Variants in RPRD2 observed in about 807,000 individuals in gnomAD.
The protein encoded by RPRD2 is regulation of nuclear pre-mRNA domain-containing protein 2.
In RPRD2, 12 loss-of-function variants were observed where a neutral mutation model predicts 104.4. That is an observed-to-expected ratio of 0.11 (90% CI 0.07 to 0.19). RPRD2 has a LOEUF of 0.19. RPRD2 is among the 10% of genes least tolerant of loss of function. The pLI, the probability that RPRD2 is intolerant of heterozygous loss-of-function variation, is 1.00. For missense variants in RPRD2, 1,543 were observed against 1,790.1 expected, an observed-to-expected ratio of 0.86 and a Z score of 2.49; for synonymous variants, 714 against 684.9, an observed-to-expected ratio of 1.04 and a Z score of -0.66.
intron 1 of RPRD2, among the ~76,000 whole-genome samples, chr1:150,386,856 A>G (rs1227385353): frequency 6.6e-6 from 1 of 152,164 alleles, no homozygotes; most frequent in African/African-American, 2.4e-5. Flanking sequence ...AAATTATTAC[A>G]GTATAGTATG....
At chr1:150,450,370 G>A (rs1667071450) in intron 7 of RPRD2, among the ~76,000 whole-genome samples, 1 of 151,898 alleles carries the variant, frequency 6.6e-6, no homozygotes, top group Admixed American at 6.6e-5. Flanking sequence ...ACTTTAGGAG[G>A]CCGAGGTGGG....
intron 6 of RPRD2, among the ~76,000 whole-genome samples, chr1:150,445,432 G>A (rs1666690790): frequency 6.6e-6 from 1 of 152,162 alleles, no homozygotes; most frequent in African/African-American, 2.4e-5. Flanking sequence ...TTTCAGATAG[G>A]AAAGAAGAAC....
intron 1 of RPRD2, among the ~76,000 whole-genome samples, chr1:150,386,414 A>G (rs1661574678): frequency 1.3e-5 from 2 of 152,160 alleles, no homozygotes; most frequent in Non-Finnish European, 1.5e-5. Context: ...ACAAAGCCCC[A>G]TCTCTACCAA....
At chr1:150,366,143 G>A (rs148519724) in intron 1 of RPRD2, among the ~76,000 whole-genome samples, 6 of 152,304 alleles carry the variant, frequency 3.9e-5, no homozygotes, top group Admixed American at 3.3e-4. Flanking sequence ...TTCCTGCTGA[G>A]AAGAGAGGGT....
Position 150,466,034 on chromosome 1 carries a change from A to T in RPRD2, c.1612+1307A>T, listed in dbSNP as rs1293066125. On this transcript the variant is annotated intron_variant, in intron 10 of 10. Transcript: ENST00000369068. ...TCCAAAAAAAAAAAAAAAAAAAAAA[A>T]TTTTTTTATGACGCTTCAAGAACAT... is the stretch of plus-strand genomic sequence containing the variant. Among the ~76,000 whole-genome samples the T allele has an allele frequency of 2.9e-4, 21 of 73,424 alleles. No homozygotes were observed. In the East Asian group the frequency reaches 3.0e-3, roughly 11 times the overall value. The allele number at this position is 73,424 out of a possible 152,430, so 48.2% of individuals were successfully genotyped here. A position where few individuals can be genotyped will look rare whatever the true frequency, so the allele number is the denominator to read the frequency against.
intron 1 of RPRD2, 38 bp from the exon 2 acceptor site, chr1:150,417,558 C>T: frequency 6.9e-7 from 1 of 1,448,664 alleles, no homozygotes; most frequent in Non-Finnish European, 9.2e-7. Flanking sequence ...TGCAAATTGA[C>T]TCATTTGGTT....
intron 1 of RPRD2, among the ~76,000 whole-genome samples, chr1:150,375,807 T>C (rs587703304): frequency 1.3e-5 from 2 of 152,324 alleles, no homozygotes; most frequent in South Asian, 4.1e-4. Context: ...TAAGGATACA[T>C]GAGGTTTAAT....
At chr1:150,371,120 G>T (rs1476912855) in intron 1 of RPRD2, among the ~76,000 whole-genome samples, 2 of 152,170 alleles carry the variant, frequency 1.3e-5, no homozygotes, top group Non-Finnish European at 2.9e-5. Flanking sequence ...GTTTTGCAGA[G>T]AATTTACAAA....
At chr1:150,398,623 A>T (rs1428664533) in intron 1 of RPRD2, among the ~76,000 whole-genome samples, 2 of 151,542 alleles carry the variant, frequency 1.3e-5, no homozygotes, top group African/African-American at 4.9e-5. Flanking sequence ...GGCTCACTAC[A>T]ATCTCCGCCT....
rs57772151 is a variant in RPRD2 at position 150,384,440 on chromosome 1, G to GCAT, written c.205+19531_205+19533dup. Among the ~76,000 whole-genome samples the GCAT allele has an allele frequency of 2.5e-3, 288 of 114,466 alleles. 1 individual carries two copies. The highest frequency in any genetic ancestry group is 0.022 in the East Asian group (90 of 4,008). 75.1% of individuals were successfully genotyped at this position (114,466 alleles called of 152,430 possible). A position where few individuals can be genotyped will look rare whatever the true frequency, so the allele number is the denominator to read the frequency against. The stretch of plus-strand genomic sequence containing the variant: ...ATGGAAAAGACAGAAGGAATAAAAG[G>GCAT]CATCATCATCATTATTATTATTATT... On this transcript the variant is annotated intron_variant, in intron 1 of 10. Transcript: ENST00000369068.
chr1:150,424,984 A>G (rs1665018429), intron 2 of RPRD2, among the ~76,000 whole-genome samples: 1 of 152,156 alleles, frequency 6.6e-6, no homozygotes. Context: ...TTCAGACTAC[A>G]TACACACAGA....
chr1:150,418,348 G>T (rs1385768061), intron 2 of RPRD2, among the ~76,000 whole-genome samples: 2 of 152,086 alleles, frequency 1.3e-5, no homozygotes, highest in Non-Finnish European at 2.9e-5. Context: ...TATGTCTCCT[G>T]GTGATAATCT....
chr1:150,413,494 T>G (rs1471971005), intron 1 of RPRD2, among the ~76,000 whole-genome samples: 1 of 152,070 alleles, frequency 6.6e-6, no homozygotes, highest in African/African-American at 2.4e-5. Context: ...TCCCAGCTAC[T>G]CAGGAGGCTG....
chr1:150,425,367 G>A (rs1665050413), intron 2 of RPRD2, among the ~76,000 whole-genome samples: 1 of 152,100 alleles, frequency 6.6e-6, no homozygotes, highest in African/African-American at 2.4e-5. Flanking sequence ...TTTCTGGCCG[G>A]GTGAGGTGGC....
chr1:150,401,402 T>C (rs1027225831), intron 1 of RPRD2, among the ~76,000 whole-genome samples: 4 of 150,874 alleles, frequency 2.7e-5, no homozygotes, highest in African/African-American at 9.7e-5. Flanking sequence ...GCAGAAGAAT[T>C]GCTTGAACCT....
intron 7 of RPRD2, among the ~76,000 whole-genome samples, chr1:150,452,964 C>T (rs113298116): frequency 6.6e-6 from 1 of 151,868 alleles, no homozygotes; most frequent in East Asian, 1.9e-4. Context: ...GCCACTGGCA[C>T]CACTTTTTTA....
At chr1:150,446,524 C>A in intron 7 of RPRD2, 123 bp downstream of exon 7, 2 of 863,470 alleles carry the variant, frequency 2.3e-6, no homozygotes, top group Non-Finnish European at 3.4e-6. Flanking sequence ...GATGAAATTA[C>A]TTTTGGGATA....
intron 1 of RPRD2, among the ~76,000 whole-genome samples, chr1:150,378,979 TA>T (rs782457070): frequency 0.012 from 1,038 of 84,016 alleles, 6 homozygotes; most frequent in Non-Finnish European, 0.016. Context: ...GAGACTTCAT[TA>T]AAAAAAAAAA....
chr1:150,373,296 G>T (rs1660456370), intron 1 of RPRD2, among the ~76,000 whole-genome samples: 1 of 152,174 alleles, frequency 6.6e-6, no homozygotes, highest in Non-Finnish European at 1.5e-5. Flanking sequence ...TTACAGGCGT[G>T]AGCCACCACG....
Sources: allele counts gnomAD v4.1 joint callset (sites outside exome capture counted in the v4.1 genomes callset), GRCh38; gene constraint gnomAD v4.1.1; transcripts MANE v1.5; gene names NCBI Gene and HGNC (gene_info 2026-07-23, HGNC 2026-07-21).